PTPRO: variants seen among roughly 807,000 people sequenced by gnomAD.
PTPRO encodes receptor-type tyrosine-protein phosphatase O.
PTPRO carries 62 observed loss-of-function variants against 145.2 expected under a neutral mutation model. That is an observed-to-expected ratio of 0.43 (90% CI 0.35 to 0.53). The LOEUF (loss-of-function observed/expected upper bound fraction) is 0.53. Among genes scored for constraint, PTPRO ranks in the 20% least tolerant of loss-of-function variants. The pLI is 0.01. For missense variants in PTPRO, 1,345 were observed against 1,482.7 expected (o/e 0.91, Z 1.53); for synonymous variants, 565 against 514.7 (o/e 1.10, Z -1.32).
chr12:15,495,213 G>C (rs1256492267), intron 2 of PTPRO, among the ~76,000 whole-genome samples: 3 of 151,516 alleles, frequency 2.0e-5, no homozygotes, highest in Non-Finnish European at 4.4e-5. Context: ...AAATATACTG[G>C]AGTCTGAAGG....
At chr12:15,390,478 T>C (rs1196252500) in intron 1 of PTPRO, among the ~76,000 whole-genome samples, 1 of 152,082 alleles carries the variant, frequency 6.6e-6, no homozygotes, top group Non-Finnish European at 1.5e-5. Flanking sequence ...TCATGAGGCT[T>C]ATTCACTATC....
intron 12 of PTPRO, among the ~76,000 whole-genome samples, chr12:15,536,900 C>T (rs1478186088): frequency 1.3e-5 from 2 of 152,062 alleles, no homozygotes; most frequent in African/African-American, 2.4e-5. Flanking sequence ...AGAGATTATA[C>T]TTGTTTAGGT....
intron 12 of PTPRO, among the ~76,000 whole-genome samples, chr12:15,530,935 A>C (rs1942949924): frequency 6.6e-6 from 1 of 152,096 alleles, no homozygotes; most frequent in Non-Finnish European, 1.5e-5. Flanking sequence ...ACACAACAAA[A>C]AGTTGGTTAT....
At chr12:15,452,939 A>G (rs1407232646) in intron 1 of PTPRO, among the ~76,000 whole-genome samples, 1 of 152,218 alleles carries the variant, frequency 6.6e-6, no homozygotes, top group Non-Finnish European at 1.5e-5. Context: ...TGGATATGGA[A>G]GCTGTTTCAT....
At position 15,526,198 on chromosome 12, in the gene PTPRO, C is replaced by T. The variant is rs80309166; in HGVS notation, c.2100C>T (p.Asn700=). 3,400 of 1,613,858 alleles carry T rather than the reference C, an allele frequency of 2.1e-3. 40 individuals carry two copies. The African/African-American group carries it at 0.034, about 16-fold the overall frequency. ...GCTTGCCTCCAGGCGACATCTATAA[C>T]CTCTCAGTAACTGCTTGTACTGAAA... ...ILSLPPGDIY[N]LSVTACTERG... is the part of the protein sequence containing the mutation. Residue 700 remains asparagine, a synonymous_variant, in exon 12 of 27, where the codon AAC becomes AAT. Coordinates refer to ENST00000281171, the MANE Select transcript of PTPRO (RefSeq NM_030667.3).
intron 1 of PTPRO, among the ~76,000 whole-genome samples, chr12:15,378,109 C>G (rs1938742385): frequency 6.6e-6 from 1 of 151,576 alleles, no homozygotes; most frequent in African/African-American, 2.4e-5. Flanking sequence ...CAAACTAAAC[C>G]TAAAGCAAGC....
At chr12:15,389,495 T>C (rs971439183) in intron 1 of PTPRO, among the ~76,000 whole-genome samples, 1 of 152,150 alleles carries the variant, frequency 6.6e-6, no homozygotes, top group Non-Finnish European at 1.5e-5. Context: ...ACATCCAGGA[T>C]AACTTTTCTC....
intron 1 of PTPRO, among the ~76,000 whole-genome samples, chr12:15,353,027 A>AATTAAATTAATTTAATTGTT (rs1373326911): frequency 1.3e-5 from 2 of 152,216 alleles, no homozygotes; most frequent in Non-Finnish European, 2.9e-5. Context: ...TAATTGTTGA[A>AATTAAATTAATTTAATTGTT]GAAATTGCCT....
At chr12:15,573,318 T>C (rs988299926) in intron 19 of PTPRO, among the ~76,000 whole-genome samples, 3 of 152,144 alleles carry the variant, frequency 2.0e-5, no homozygotes. Flanking sequence ...CCCAGCCACA[T>C]TACGTAGCAT....
At chr12:15,327,685 G>T (rs73057222) in intron 1 of PTPRO, among the ~76,000 whole-genome samples, 1 of 151,770 alleles carries the variant, frequency 6.6e-6, no homozygotes, top group Non-Finnish European at 1.5e-5. Flanking sequence ...TTTTTTGTGC[G>T]CTGGTGTCAT....
chr12:15,572,098 C>T (rs888641560), intron 19 of PTPRO, among the ~76,000 whole-genome samples: 26 of 152,126 alleles, frequency 1.7e-4, no homozygotes, highest in Admixed American at 1.1e-3. Flanking sequence ...AATTAACATT[C>T]TAAAAAATAT....
At chr12:15,499,649 T>A (rs1942177416) in intron 4 of PTPRO, 55 bp downstream of exon 4, 2 of 1,552,102 alleles carry the variant, frequency 1.3e-6, no homozygotes, top group African/African-American at 2.7e-5. Flanking sequence ...TATATTTTGC[T>A]GTACATTTAT....
At chr12:15,416,673 A>G (rs760670229) in intron 1 of PTPRO, among the ~76,000 whole-genome samples, 2 of 150,644 alleles carry the variant, frequency 1.3e-5, no homozygotes, top group Non-Finnish European at 2.9e-5. Flanking sequence ...CCCTCTGTTA[A>G]GAACTGAGCA....
At chr12:15,421,967 A>T (rs1446021196) in intron 1 of PTPRO, among the ~76,000 whole-genome samples, 1 of 152,128 alleles carries the variant, frequency 6.6e-6, no homozygotes, top group Non-Finnish European at 1.5e-5. Flanking sequence ...AATTTTTAAA[A>T]TTTTATTTAT....
intron 8 of PTPRO, among the ~76,000 whole-genome samples, chr12:15,515,996 T>TG (rs1565677975): frequency 1.5e-5 from 2 of 137,592 alleles, no homozygotes; most frequent in Non-Finnish European, 3.1e-5. Context: ...TGTTTTGTTT[T>TG]TTTTTTTTTT....
chr12:15,598,214 A>T lies in PTPRO; in HGVS notation c.*2141A>T, dbSNP rs1944696107. On this transcript the variant is annotated 3_prime_UTR_variant, in exon 27 of 27. Transcript: ENST00000281171. ...GTTCTCTGGAACACTGTTGCTCTTC[A>T]GTTTGTAGAGTTTATGATGGAAAAG... 6.6e-6 allele frequency among the ~76,000 whole-genome samples: 1 copy of T among 152,306 alleles called. No individual in the cohort carries two copies. Among genetic ancestry groups the T allele is most frequent in the East Asian group, 1.9e-4 (1 of 5,184 alleles).
rs11056523 is a variant in PTPRO at position 15,491,586 on chromosome 12, T to C, written c.350-5659T>C. Among the ~76,000 whole-genome samples the C allele has an allele frequency of 5.7e-3, 863 of 152,298 alleles. 58 individuals carry two copies. In the East Asian group the frequency reaches 0.14, roughly 24 times the overall value. On this transcript the variant is annotated intron_variant, in intron 2 of 26. Transcript: ENST00000281171. The stretch of plus-strand genomic sequence containing the variant: ...AGACACCTAATGAGGGAAAAAATGA[T>C]CACACTAAATGTCATTTTTTATTAA...
intron 1 of PTPRO, among the ~76,000 whole-genome samples, chr12:15,443,186 A>AACAC (rs1940815848): frequency 6.6e-6 from 1 of 152,084 alleles, no homozygotes; most frequent in South Asian, 2.1e-4. Flanking sequence ...TGATGTGTAG[A>AACAC]ACACCTAAAG....
intron 12 of PTPRO, among the ~76,000 whole-genome samples, chr12:15,538,249 T>TC (rs980479375): frequency 4.6e-5 from 7 of 151,394 alleles, no homozygotes; most frequent in Non-Finnish European, 8.9e-5. Context: ...CTTTTTTTTT[T>TC]TGAGACAGAG....
Sources: gnomAD v4.1 joint callset for allele counts (sites outside exome capture counted in the v4.1 genomes callset) on GRCh38, gnomAD v4.1.1 for gene constraint, MANE v1.5 for transcripts, NCBI Gene and HGNC (gene_info 2026-07-23, HGNC 2026-07-21) for gene names.